Variants in CACNA1C observed in about 807,000 individuals in gnomAD.
CACNA1C encodes calcium voltage-gated channel subunit alpha1 C.
Under a neutral mutation model 229.0 loss-of-function variants are expected in CACNA1C, and 30 were observed. The observed-to-expected ratio is 0.13, with a 90% CI of 0.10 to 0.18. The LOEUF (loss-of-function observed/expected upper bound fraction) is 0.18, where lower values mean the gene tolerates loss of function less well. Among genes scored for constraint, CACNA1C ranks in the 10% least tolerant of loss-of-function variants. CACNA1C has a pLI of 1.00. For synonymous variants in CACNA1C, 1,114 were observed against 1,132.5 expected (o/e 0.98, Z 0.33); for missense variants, 1,658 against 2,845.0 (o/e 0.58, Z 9.49).
chr12:2,228,795 T>C (rs2063807878), intron 3 of CACNA1C, among the ~76,000 whole-genome samples: 1 of 152,198 alleles, frequency 6.6e-6, no homozygotes, highest in African/African-American at 2.4e-5. Flanking sequence ...TTTTTCTGTC[T>C]TCTGCCTTGA....
At chr12:2,564,028 T>A (rs1048115311) in intron 11 of CACNA1C, among the ~76,000 whole-genome samples, 4 of 152,148 alleles carry the variant, frequency 2.6e-5, no homozygotes, top group Non-Finnish European at 5.9e-5. Flanking sequence ...GCAGGAAGAT[T>A]GGAGAAACGG....
chr12:2,222,092 A>AT (rs1443546414), intron 3 of CACNA1C: 17 of 152,234 alleles, frequency 1.1e-4, no homozygotes. Flanking sequence ...ATTACAAATT[A>AT]TTTTATTTCA....
chr12:2,638,484 T>C (rs1054427515), intron 30 of CACNA1C, among the ~76,000 whole-genome samples: 3 of 152,088 alleles, frequency 2.0e-5, no homozygotes, highest in Non-Finnish European at 4.4e-5. Flanking sequence ...GAAGGGGACA[T>C]ACTGGTGGCT....
At chr12:2,090,309 ACTT>A (rs2070132034) in intron 1 of CACNA1C, among the ~76,000 whole-genome samples, 1 of 98,586 alleles carries the variant, frequency 1.0e-5, no homozygotes, top group South Asian at 3.3e-4. Context: ...TGGATAGACT[ACTT>A]TTTTTTTTTT....
chr12:2,227,473 G>C (rs2063363494), intron 3 of CACNA1C, among the ~76,000 whole-genome samples: 2 of 152,304 alleles, frequency 1.3e-5, no homozygotes, highest in South Asian at 2.1e-4. Flanking sequence ...TGTCCTGTTA[G>C]AAGGATTAAA....
At chr12:2,589,579 G>T (rs906678966) in intron 18 of CACNA1C, among the ~76,000 whole-genome samples, 1 of 152,226 alleles carries the variant, frequency 6.6e-6, no homozygotes, top group African/African-American at 2.4e-5. Flanking sequence ...GGAGGGCAGG[G>T]CAGAAGGCGC....
In CACNA1C at chr12:2,493,112, T is replaced by C. The variant is rs2099739663; in HGVS notation, c.917-78T>C. 2.1e-5 allele frequency: 27 copies of C among 1,289,600 alleles called. 1 individual carries two copies. The South Asian group carries it at 3.0e-4, about 14-fold the overall frequency. The allele number at this position is 1,289,600 out of a possible 1,614,324, so 79.9% of individuals were successfully genotyped here. A position where few individuals can be genotyped will look rare whatever the true frequency, so the allele number is the denominator to read the frequency against. On this transcript the variant is annotated intron_variant, in intron 6 of 46. Coordinates refer to ENST00000399655, the MANE Select transcript of CACNA1C (RefSeq NM_000719.7). This position sits in a 1 kb window ranked among gnomAD's most constrained non-coding sequence, Gnocchi z 4.6. ...TCCCATCAACCTCATCCTGTCACTT[T>C]TCTCTCTGACTTCTTTCTCTGCCCA...
intron 3 of CACNA1C, among the ~76,000 whole-genome samples, chr12:2,259,368 T>G (rs1490306668): frequency 6.6e-6 from 1 of 152,208 alleles, no homozygotes; most frequent in Non-Finnish European, 1.5e-5. Context: ...TTTATTTGGA[T>G]CATAACTAAG....
chr12:2,523,184 A>ATT (rs3216320), intron 9 of CACNA1C, among the ~76,000 whole-genome samples: 2 of 149,586 alleles, frequency 1.3e-5, no homozygotes, highest in African/African-American at 2.5e-5. Context: ...CATGGGTTTG[A>ATT]TTTTTTTTTA....
At chr12:2,257,340 G>T (rs148462376) in intron 3 of CACNA1C, among the ~76,000 whole-genome samples, 1 of 152,140 alleles carries the variant, frequency 6.6e-6, no homozygotes, top group Non-Finnish European at 1.5e-5. Context: ...CTAGCACAGC[G>T]GTCTCCAACC....
chr12:2,175,114 T>C lies in CACNA1C; in HGVS notation c.477+54684T>C, dbSNP rs144351757. ...CTCTAACAGACAAGATTTAAAAAAA[T>C]ATATATCACCAAATGCCTCTATCAC... On this transcript the variant is annotated intron_variant, in intron 3 of 46. Transcript: ENST00000399655. Among the ~76,000 whole-genome samples the C allele has an allele frequency of 1.2e-3, 180 of 152,260 alleles. 1 individual carries two copies. Among genetic ancestry groups the C allele is most frequent in the African/African-American group, 3.6e-3 (150 of 41,548 alleles).
chr12:2,517,978 T>C (rs2099800888), intron 9 of CACNA1C, among the ~76,000 whole-genome samples: 1 of 152,190 alleles, frequency 6.6e-6, no homozygotes, highest in Admixed American at 6.5e-5. Flanking sequence ...ATACAGACAT[T>C]GATGTGGATG....
At chr12:2,198,791 CCCA>C (rs920167029) in intron 3 of CACNA1C, among the ~76,000 whole-genome samples, 1 of 152,056 alleles carries the variant, frequency 6.6e-6, no homozygotes, top group Non-Finnish European at 1.5e-5. Flanking sequence ...GGCCCTCATT[CCCA>C]CCACATCAGA....
At chr12:2,369,524 G>A (rs917176412) in intron 3 of CACNA1C, among the ~76,000 whole-genome samples, 2 of 151,402 alleles carry the variant, frequency 1.3e-5, no homozygotes, top group Admixed American at 6.6e-5. Context: ...TCAGCCTTCC[G>A]AGTTGCTGGG....
intron 3 of CACNA1C, among the ~76,000 whole-genome samples, chr12:2,248,757 C>T (rs1566660827): frequency 6.6e-6 from 1 of 152,228 alleles, no homozygotes; most frequent in African/African-American, 2.4e-5. Flanking sequence ...GAGGGCCTCA[C>T]GGTGTGGAGG....
chr12:2,265,408 G>A (rs2081993823), intron 3 of CACNA1C, among the ~76,000 whole-genome samples: 3 of 152,136 alleles, frequency 2.0e-5, no homozygotes, highest in Admixed American at 1.3e-4. Flanking sequence ...AGGCTAAAGG[G>A]GCAGATGCCC....
chr12:2,496,434 C>T (rs2099746991), intron 7 of CACNA1C, among the ~76,000 whole-genome samples: 1 of 152,194 alleles, frequency 6.6e-6, no homozygotes, highest in Admixed American at 6.5e-5. Context: ...TTCTAAATCA[C>T]CAAACAGCTG....
rs985008926 is a variant in CACNA1C at position 2,136,556 on chromosome 12, G to A, written c.477+16126G>A. 4.0e-5 allele frequency among the ~76,000 whole-genome samples: 6 copies of A among 151,254 alleles called. No individual in the cohort carries two copies. The East Asian group carries it at 1.2e-3, about 29-fold the overall frequency. On this transcript the variant is annotated intron_variant, in intron 3 of 46. Coordinates refer to ENST00000399655, the MANE Select transcript of CACNA1C (RefSeq NM_000719.7). ...CTTAATTATCAGGCCTTCAACTAGA[G>A]TTTATGCAGTGTGTGCGCTTCTGTC...
chr12:2,502,065 G>T (rs1244957124), intron 7 of CACNA1C, among the ~76,000 whole-genome samples: 2 of 152,184 alleles, frequency 1.3e-5, no homozygotes, highest in Non-Finnish European at 2.9e-5. Flanking sequence ...ACACAGGCCT[G>T]CTGAGCCTGG....
Sources: allele counts gnomAD v4.1 joint callset (sites outside exome capture counted in the v4.1 genomes callset), GRCh38; gene constraint gnomAD v4.1.1; non-coding constraint Gnocchi (gnomAD v3.1); transcripts MANE v1.5; gene names NCBI Gene and HGNC (gene_info 2026-07-23, HGNC 2026-07-21).